Variants in VCP observed in about 807,000 individuals in gnomAD.
The protein encoded by VCP is transitional endoplasmic reticulum ATPase.
A neutral mutation model predicts 85.7 loss-of-function variants in VCP; 6 were observed. That is an observed-to-expected ratio of 0.07 (90% CI 0.04 to 0.14). The LOEUF (loss-of-function observed/expected upper bound fraction) is 0.14. Ranked by LOEUF, VCP falls within the 10% of genes least tolerant of loss-of-function variation. VCP has a pLI of 1.00. For synonymous variants in VCP, 384 were observed against 367.1 expected (o/e 1.05, Z -0.53); for missense variants, 353 against 1,043.4 (o/e 0.34, Z 9.12).
In VCP at chr9:35,059,313, C is replaced by T; in HGVS notation, c.2005-94G>A. On this transcript the variant is annotated intron_variant, in intron 14 of 16. Transcript: ENST00000358901. This position sits in a 1 kb window ranked among gnomAD's most constrained non-coding sequence, Gnocchi z 4.9. The stretch of plus-strand genomic sequence containing the variant: ...CCCGAGCACTCCCAACTACAGTTTG[C>T]CCCTTCTTTGGCCACCCCATTTTAT... 1.3e-6 allele frequency: 2 copies of T among 1,576,756 alleles called. No individual in the cohort carries two copies. Among genetic ancestry groups the T allele is most frequent in the South Asian group, 1.1e-5 (1 of 87,580 alleles).
At chr9:35,058,446 T>A (rs1828653130) in intron 15 of VCP, among the ~76,000 whole-genome samples, 1 of 152,148 alleles carries the variant, frequency 6.6e-6, no homozygotes, top group African/African-American at 2.4e-5. Flanking sequence ...TCCCCAACCA[T>A]CAGGGATAAG....
At position 35,061,114 on chromosome 9, in the gene VCP, C is replaced by T. The variant is rs1407569306; in HGVS notation, c.1260G>A (p.Leu420=). 1 of 1,614,106 alleles carries T rather than the reference C, an allele frequency of 6.2e-7. No individual in the cohort carries two copies. The highest frequency in any genetic ancestry group is 1.1e-5 in the South Asian group (1 of 91,088). ...GATCCATCTTCTTGCGGATGGCTTG[C>T]AGAGCAGCCTCTGAGCACAGGGCTG... The part of the protein sequence containing the change: ...DLAALCSEAA[L]QAIRKKMDLI... The change falls in exon 11 of 17, where the codon CTG becomes CTA. Residue 420 remains leucine (L), a synonymous_variant. Coordinates refer to ENST00000358901, the MANE Select transcript of VCP (RefSeq NM_007126.5).
At chr9:35,066,924 G>A (rs556794903) in intron 3 of VCP, 107 bp from the exon 4 acceptor site, 4 of 1,568,864 alleles carry the variant, frequency 2.5e-6, no homozygotes, top group African/African-American at 2.7e-5. Flanking sequence ...AAAAAGAAAA[G>A]GCAGGATGGC....
At position 35,070,721 on chromosome 9, in the gene VCP, C is replaced by T. The variant is rs939023592; in HGVS notation, c.17+1616G>A. On this transcript the variant is annotated intron_variant, in intron 1 of 16. Coordinates refer to ENST00000358901, the MANE Select transcript of VCP (RefSeq NM_007126.5). Reference sequence around the variant, plus strand: ...AAAATGCTGGGATTACAGGCCTGAGCCACTGTGCCCGGTCAATAGTTTGTA... The same window carrying T: ...AAAATGCTGGGATTACAGGCCTGAGTCACTGTGCCCGGTCAATAGTTTGTA... Among the ~76,000 whole-genome samples the T allele has an allele frequency of 1.1e-4, 17 of 152,208 alleles. No individual in the cohort carries two copies. In the South Asian group the frequency reaches 1.9e-3, roughly 17 times the overall value.
Position 35,059,319 on chromosome 9 carries a change from C to T in VCP, c.2005-100G>A. 6.4e-7 allele frequency: 1 copy of T among 1,565,794 alleles called. No individual in the cohort carries two copies. On this transcript the variant is annotated intron_variant, in intron 14 of 16. Coordinates refer to ENST00000358901, the MANE Select transcript of VCP (RefSeq NM_007126.5). The surrounding 1 kb of genome is among the most constrained non-coding windows in gnomAD (Gnocchi z 4.9). ...CACTCCCAACTACAGTTTGCCCCTT[C>T]TTTGGCCACCCCATTTTATTCCTGA... is the stretch of plus-strand genomic sequence containing the variant.
intron 5 of VCP, 38 bp downstream of exon 5, chr9:35,065,213 T>C (rs961385469): frequency 8.1e-6 from 13 of 1,613,514 alleles, no homozygotes; most frequent in South Asian, 1.1e-5. Context: ...CACTGAGTAA[T>C]CATAAAATCG....
At position 35,065,295 on chromosome 9, in the gene VCP, G is replaced by C; in HGVS notation, c.532C>G (p.Pro178Ala). 1 of 1,614,146 alleles carries C rather than the reference G, an allele frequency of 6.2e-7. No individual in the cohort carries two copies. The highest frequency in any genetic ancestry group is 8.5e-7 in the Non-Finnish European group (1 of 1,180,036). ...TDPSPYCIVA[P>A]DTVIHCEGEP... is the part of the protein sequence containing the mutation. ...CCTTCGCAGTGGATCACTGTGTCTG[G>C]AGCAACAATGCAATAAGGGCTAGGA... The change falls in exon 5 of 17, where the codon CCA becomes GCA. Residue 178 changes from proline to alanine, a missense_variant. Around this residue, in one of 8 missense-constraint regions of VCP, gnomAD observed 85 missense variants for 345.2 expected, o/e 0.25. Transcript: ENST00000358901.
Position 35,059,129 on chromosome 9 carries a change from T to C in VCP, c.2095A>G (p.Ile699Val), listed in dbSNP as rs747975110. ...ATCTCACTCTCGATGGATTCACGGA[T>C]GGCCAGCTTGCAAGCACGCTGGCAA... ...EICQRACKLAIRESIESEIRR... is the reference protein window; with the variant it reads ...EICQRACKLAVRESIESEIRR... Residue 699 changes from isoleucine (I) to valine (V), a missense_variant, in exon 15 of 17, where the codon ATC (isoleucine) becomes GTC (valine). Ile to Val is a conservative substitution (Grantham distance 29). Coordinates refer to ENST00000358901, the MANE Select transcript of VCP (RefSeq NM_007126.5). The surrounding 1 kb of genome is among the most constrained non-coding windows in gnomAD (Gnocchi z 4.9). 1.2e-6 allele frequency: 2 copies of C among 1,614,174 alleles called. No individual in the cohort carries two copies. The highest frequency in any genetic ancestry group is 1.7e-6 in the Non-Finnish European group (2 of 1,180,034).
intron 15 of VCP, chr9:35,057,731 G>T: frequency 1.5e-6 from 1 of 677,320 alleles, no homozygotes; most frequent in Non-Finnish European, 2.6e-6. Context: ...GAAAACTGTA[G>T]GGACAGAAAT....
At chr9:35,068,489 G>T in intron 1 of VCP, 127 bp from the exon 2 acceptor site, 1 of 879,410 alleles carries the variant, frequency 1.1e-6, no homozygotes, top group Non-Finnish European at 1.9e-6. Flanking sequence ...CTCAGATGAA[G>T]GAAAGGCAGC....
Position 35,060,783 on chromosome 9 carries a change from T to C in VCP, c.1482+18A>G, listed in dbSNP as rs370501665. 7.0e-5 allele frequency: 113 copies of C among 1,614,160 alleles called. No homozygotes were observed. The African/African-American group carries it at 1.1e-3, about 16-fold the overall frequency. ...AATGTACTGAGACAGTGACTCACCC[T>C]GGACCAAGTTGCCCTACCTGGACCA... On this transcript the variant is annotated intron_variant, in intron 12 of 16. Transcript: ENST00000358901.
intron 13 of VCP, chr9:35,060,011 A>G (rs1828690303): frequency 1.5e-6 from 1 of 679,380 alleles, no homozygotes; most frequent in Non-Finnish European, 2.5e-6. Flanking sequence ...GCATGCCTAT[A>G]GTCCCAGCTA....
intron 1 of VCP, 135 bp downstream of exon 1, chr9:35,072,202 C>G: frequency 7.0e-7 from 1 of 1,438,732 alleles, no homozygotes; most frequent in East Asian, 3.0e-5. Flanking sequence ...CCCTCACTCG[C>G]CCCCTAGCTT....
intron 6 of VCP, 101 bp from the exon 7 acceptor site, chr9:35,063,181 T>C: frequency 9.7e-7 from 1 of 1,034,742 alleles, no homozygotes; most frequent in South Asian, 1.3e-5. Context: ...GCTTCAACCC[T>C]GACAATATTA....
Position 35,068,365 on chromosome 9 carries a change from AG to A in VCP, c.18-4del. ...TTGATAGGTCATCACCTTTTGAACT[AG>A]AAGGAGGAAATGGAGTCAGTAGATA... On this transcript the variant is annotated splice_polypyrimidine_tract_variant and splice_region_variant and intron_variant, in intron 1 of 16. Coordinates refer to ENST00000358901, the MANE Select transcript of VCP (RefSeq NM_007126.5). 6 of 1,613,874 alleles carry A rather than the reference AG, an allele frequency of 3.7e-6. No homozygotes were observed. Among genetic ancestry groups the A allele is most frequent in the Non-Finnish European group, 5.1e-6 (6 of 1,179,754 alleles).
chr9:35,060,172 A>G (rs1221024821), intron 13 of VCP, 141 bp downstream of exon 13: 8 of 938,362 alleles, frequency 8.5e-6, no homozygotes, highest in African/African-American at 3.3e-5. Flanking sequence ...TAGGTCTCTC[A>G]GACCTCAGAA....
At chr9:35,066,531 C>G in intron 4 of VCP, 144 bp downstream of exon 4, 1 of 1,243,546 alleles carries the variant, frequency 8.0e-7, no homozygotes, top group East Asian at 2.6e-5. Context: ...CCAGCTGACC[C>G]CATCTCTTAA....
chr9:35,061,913 T>C, intron 9 of VCP, 90 bp downstream of exon 9: 2 of 1,607,812 alleles, frequency 1.2e-6, no homozygotes, highest in Non-Finnish European at 1.7e-6. Flanking sequence ...CCAATCACTG[T>C]GAAGGGCTTC....
rs1163097531 is a variant in VCP at position 35,064,193 on chromosome 9, G to T, written c.669C>A (p.Pro223=). ...CCTTAAAGAGGGCAGGATGTCTCAGGGGCAGTTCCACCATCTCCTTTATCT... is the reference window on the plus strand; with the variant it reads ...CCTTAAAGAGGGCAGGATGTCTCAGTGGCAGTTCCACCATCTCCTTTATCT... ...LAQIKEMVEL[P]LRHPALFKAI... Residue 223 remains proline, a synonymous_variant, in exon 6 of 17, where the codon CCC becomes CCA. Coordinates refer to ENST00000358901, the MANE Select transcript of VCP (RefSeq NM_007126.5). 6.2e-7 allele frequency: 1 copy of T among 1,614,170 alleles called. No homozygotes were observed. Among genetic ancestry groups the T allele is most frequent in the Non-Finnish European group, 8.5e-7 (1 of 1,180,044 alleles).
Sources: allele counts gnomAD v4.1 joint callset (sites outside exome capture counted in the v4.1 genomes callset), GRCh38; gene constraint gnomAD v4.1.1; regional missense constraint gnomAD v4.1.1; non-coding constraint Gnocchi (gnomAD v3.1); transcripts MANE v1.5; gene names NCBI Gene and HGNC (gene_info 2026-07-23, HGNC 2026-07-21).